The following CLN6 variants were observed in gnomAD, a reference collection of about 807,000 sequenced individuals.
CLN6 encodes the protein ceroid-lipofuscinosis neuronal protein 6.
In CLN6, 22 loss-of-function variants were observed where a neutral mutation model predicts 33.3. That is an observed-to-expected ratio of 0.66 (90% confidence interval 0.47 to 0.94). The LOEUF (loss-of-function observed/expected upper bound fraction) is 0.94, where lower values mean the gene tolerates loss of function less well. Among genes scored for constraint, CLN6 ranks in the 40% least tolerant of loss-of-function variants. The pLI, the probability that CLN6 is intolerant of heterozygous loss-of-function variation, is 0.00. For missense variants in CLN6, 387 were observed against 417.1 expected, an observed-to-expected ratio of 0.93 and a Z score of 0.63; for synonymous variants, 201 against 174.6, an observed-to-expected ratio of 1.15 and a Z score of -1.19.
intron 1 of CLN6, among the ~76,000 whole-genome samples, chr15:68,252,013 G>A (rs1053245237): frequency 1.4e-4 from 18 of 127,960 alleles, no homozygotes; most frequent in African/African-American, 3.8e-4. Flanking sequence ...TTGGTCTGTC[G>A]CCCAGGCTAG....
Position 68,211,656 on chromosome 15 carries a change from G to T in CLN6, c.486+19C>A. On this transcript the variant is annotated intron_variant, in intron 4 of 6. Coordinates refer to ENST00000249806, the MANE Select transcript of CLN6 (RefSeq NM_017882.3). This position sits in a 1 kb window ranked among gnomAD's most constrained non-coding sequence, Gnocchi z 5.9. ...TGTGCTCCTAGGGCTTACAGGCAGG[G>T]AGCAGGAGGTGGCCTCACCAGCGTC... The T allele has an allele frequency of 6.2e-7, 1 of 1,612,760 alleles. No homozygotes were observed. The highest frequency in any genetic ancestry group is 1.1e-5 in the South Asian group (1 of 90,974).
In CLN6 at chr15:68,218,662, C is replaced by G; in HGVS notation, c.84-12G>C. 1.2e-6 allele frequency: 2 copies of G among 1,605,454 alleles called. No homozygotes were observed. The highest frequency in any genetic ancestry group is 1.7e-6 in the Non-Finnish European group (2 of 1,172,666). On this transcript the variant is annotated splice_polypyrimidine_tract_variant and intron_variant, in intron 1 of 6. Coordinates refer to ENST00000249806, the MANE Select transcript of CLN6 (RefSeq NM_017882.3). ...TCACAGAGCCATGCCTGGGAAGGAA[C>G]CAGACGAGAGAAGTCAGCTCTTCTC...
At chr15:68,222,206 C>A (rs1360697829) in intron 1 of CLN6, among the ~76,000 whole-genome samples, 1 of 146,948 alleles carries the variant, frequency 6.8e-6, no homozygotes, top group African/African-American at 2.5e-5. Flanking sequence ...AGCACCTCTG[C>A]CCAGCCGCCC....
chr15:68,243,600 C>T (rs1337321981), intron 1 of CLN6, among the ~76,000 whole-genome samples: 2 of 151,814 alleles, frequency 1.3e-5, no homozygotes, highest in African/African-American at 4.8e-5. Context: ...ACTAAAAGTA[C>T]AAAAATTAGC....
In CLN6 at chr15:68,211,937, C is replaced by A; in HGVS notation, c.298-74G>T. 6.7e-7 allele frequency: 1 copy of A among 1,493,390 alleles called. No individual in the cohort carries two copies. The highest frequency in any genetic ancestry group is 1.7e-5 in the Admixed American group (1 of 57,678). The allele number at this position is 1,493,390 out of a possible 1,614,324, so 92.5% of individuals were successfully genotyped here. ...ATGTGACACCCTCTGCTTCCCCCCT[C>A]ACACCTGGGGTGGGATGGACGCTTC... On this transcript the variant is annotated intron_variant, in intron 3 of 6. Transcript: ENST00000249806. This position sits in a 1 kb window ranked among gnomAD's most constrained non-coding sequence, Gnocchi z 5.9.
In CLN6 at chr15:68,228,199, G is replaced by A. The variant is rs1190808605; in HGVS notation, c.83+1303C>T. Among the ~76,000 whole-genome samples the A allele has an allele frequency of 1.3e-5, 2 of 152,160 alleles. No homozygotes were observed. The highest frequency in any genetic ancestry group is 3.9e-4 in the East Asian group (2 of 5,186). On this transcript the variant is annotated intron_variant, in intron 1 of 6. Coordinates refer to ENST00000249806, the MANE Select transcript of CLN6 (RefSeq NM_017882.3). The surrounding 1 kb of genome is among the most constrained non-coding windows in gnomAD (Gnocchi z 4.4). ...AACGGACACAGTCCGCAGCTGCTCA[G>A]CCCGCATGTCCGCAGCAGCAGAAAC...
chr15:68,244,580 G>GA (rs1005538040), intron 1 of CLN6, among the ~76,000 whole-genome samples: 3 of 151,920 alleles, frequency 2.0e-5, no homozygotes, highest in African/African-American at 7.3e-5. Flanking sequence ...CAATCTGAAA[G>GA]AAAAAAACAC....
chr15:68,216,095 A>G (rs2093219923), intron 2 of CLN6, among the ~76,000 whole-genome samples: 1 of 152,254 alleles, frequency 6.6e-6, no homozygotes, highest in African/African-American at 2.4e-5. Flanking sequence ...TTAGGGTTAC[A>G]GTGGTCACAG....
Position 68,214,292 on chromosome 15 carries a change from T to G in CLN6, c.295A>C (p.Lys99Gln). 6.2e-7 allele frequency: 1 copy of G among 1,611,624 alleles called. No homozygotes were observed. The highest frequency in any genetic ancestry group is 8.5e-7 in the Non-Finnish European group (1 of 1,177,802). ...YNVITPFLLLKLIERSPRTLP... is the reference protein window; with the variant it reads ...YNVITPFLLLQLIERSPRTLP... ...GAGTGGGGGCCCTGGGACAGTACCT[T>G]GAGCAAGAGAAAGGGCGTGATGACG... is the stretch of plus-strand genomic sequence containing the variant. The change falls in exon 3 of 7, where the codon AAG becomes CAG. Residue 99 changes from lysine (K) to glutamine (Q), a missense_variant and splice_region_variant. Coordinates refer to ENST00000249806, the MANE Select transcript of CLN6 (RefSeq NM_017882.3).
chr15:68,246,224 T>C lies in CLN6; in HGVS notation c.179+10466A>G, dbSNP rs962318388. ...ACACACTAGACCAAATAGGCCTAAC[T>C]GACGTTTACAGAACATTTCACCCAA... On this transcript the variant is annotated intron_variant, in intron 1 of 6. Coordinates refer to the CLN6 transcript ENST00000538696. The surrounding 1 kb of genome is among the most constrained non-coding windows in gnomAD (Gnocchi z 4.5). Among the ~76,000 whole-genome samples, 1 of 152,168 alleles carries C rather than the reference T, an allele frequency of 6.6e-6. No homozygotes were observed. The highest frequency in any genetic ancestry group is 6.5e-5 in the Admixed American group (1 of 15,278).
Position 68,256,412 on chromosome 15 carries a change from T to C in CLN6, c.179+278A>G, listed in dbSNP as rs573947508. On this transcript the variant is annotated intron_variant, in intron 1 of 6. Transcript: ENST00000538696. The surrounding 1 kb of genome is among the most constrained non-coding windows in gnomAD (Gnocchi z 4.1). ...GTGTGAGCCACCATGCCCGGCCATT[T>C]TTCCCTTTTTTAAATGTGGTTACTA... 2.0e-4 allele frequency among the ~76,000 whole-genome samples: 30 copies of C among 152,300 alleles called. No individual in the cohort carries two copies. The highest frequency in any genetic ancestry group is 6.7e-4 in the African/African-American group (28 of 41,566).
chr15:68,243,138 G>T (rs1331097511), intron 1 of CLN6, among the ~76,000 whole-genome samples: 2 of 152,160 alleles, frequency 1.3e-5, no homozygotes, highest in Non-Finnish European at 2.9e-5. Flanking sequence ...TTTAAACATT[G>T]TCCTAACCTA....
rs587780316 is a variant in CLN6 at position 68,209,701 on chromosome 15, T to C, written c.601A>G (p.Lys201Glu). ...MYFSGCFTASKAESLIPGPAL... is the reference protein window; with the variant it reads ...MYFSGCFTASEAESLIPGPAL... The stretch of plus-strand genomic sequence containing the variant: ...GGCCCTGGAATCAAGCTCTCAGCTT[T>C]AGAGGCAGTAAAGCAGCCGCTGAAG... The change falls in exon 6 of 7, where the codon AAA (lysine) becomes GAA (glutamate). Residue 201 changes from lysine (K) to glutamate (E), a missense_variant. By Grantham distance (56) the Lys-to-Glu change is moderately conservative (BLOSUM62 1). Coordinates refer to ENST00000249806, the MANE Select transcript of CLN6 (RefSeq NM_017882.3). The surrounding 1 kb of genome is among the most constrained non-coding windows in gnomAD (Gnocchi z 4.9). 25 of 1,613,676 alleles carry C rather than the reference T, an allele frequency of 1.5e-5. No individual in the cohort carries two copies. Among genetic ancestry groups the C allele is most frequent in the Middle Eastern group, 1.7e-4 (1 of 5,906 alleles).
At chr15:68,223,757 A>G (rs1374345987) in intron 1 of CLN6, among the ~76,000 whole-genome samples, 1 of 151,316 alleles carries the variant, frequency 6.6e-6, no homozygotes, top group Non-Finnish European at 1.5e-5. Context: ...AAAAAAAAAA[A>G]GAGGGGGGCT....
At chr15:68,216,344 C>A (rs2093220668) in intron 2 of CLN6, among the ~76,000 whole-genome samples, 1 of 152,244 alleles carries the variant, frequency 6.6e-6, no homozygotes, top group Non-Finnish European at 1.5e-5. Context: ...AAGCCCAGGA[C>A]AGTGACTTGC....
intron 2 of CLN6, among the ~76,000 whole-genome samples, chr15:68,217,434 T>C (rs1278780997): frequency 2.6e-5 from 4 of 152,194 alleles, no homozygotes; most frequent in African/African-American, 4.8e-5. Flanking sequence ...CTCATTATAT[T>C]GCCCTGACTG....
In CLN6 at chr15:68,211,204, G is replaced by T; in HGVS notation, c.542+59C>A. 1 of 1,453,626 alleles carries T rather than the reference G, an allele frequency of 6.9e-7. No homozygotes were observed. Among genetic ancestry groups the T allele is most frequent in the Non-Finnish European group, 9.7e-7 (1 of 1,033,650 alleles). 90.0% of individuals were successfully genotyped at this position (1,453,626 alleles called of 1,614,324 possible). A position where few individuals can be genotyped will look rare whatever the true frequency, so the allele number is the denominator to read the frequency against. On this transcript the variant is annotated intron_variant, in intron 5 of 6. Transcript: ENST00000249806. This position sits in a 1 kb window ranked among gnomAD's most constrained non-coding sequence, Gnocchi z 5.9. Reference sequence around the variant, plus strand: ...CCTTGCTCAGTGTGTCCCTGAGCCAGTGACAGGGCTAGCCGGTAGTTGGGG... The same window carrying T: ...CCTTGCTCAGTGTGTCCCTGAGCCATTGACAGGGCTAGCCGGTAGTTGGGG...
At chr15:68,230,535 A>C (rs1179690624), upstream of CLN6, among the ~76,000 whole-genome samples, 1 of 152,174 alleles carries the variant, frequency 6.6e-6, no homozygotes, top group Non-Finnish European at 1.5e-5. The surrounding 1 kb of genome is among the most constrained non-coding windows in gnomAD (Gnocchi z 4.0). Context: ...AACAGCCTGC[A>C]GGGCAGATTG....
At chr15:68,216,767 G>A (rs532268294) in intron 2 of CLN6, among the ~76,000 whole-genome samples, 4 of 152,170 alleles carry the variant, frequency 2.6e-5, no homozygotes, top group Non-Finnish European at 5.9e-5. Flanking sequence ...GAACATCTTT[G>A]AGTTAGAGGA....
Sources: allele counts gnomAD v4.1 joint callset (sites outside exome capture counted in the v4.1 genomes callset), GRCh38; gene constraint gnomAD v4.1.1; non-coding constraint Gnocchi (gnomAD v3.1); transcripts MANE v1.5; gene names NCBI Gene and HGNC (gene_info 2026-07-23, HGNC 2026-07-21).